RNF187: variants seen among roughly 807,000 people sequenced by gnomAD.
The protein encoded by RNF187 is ring finger protein 187, also known as E3 ubiquitin-protein ligase RNF187.
In RNF187, 18 loss-of-function variants were observed where a neutral mutation model predicts 22.2. The ratio of observed to expected loss-of-function variants is 0.81; its 90% CI spans 0.56 to 1.20. The LOEUF (loss-of-function observed/expected upper bound fraction) is 1.20. Ranked by LOEUF, RNF187 falls within the 50% of genes most tolerant of loss-of-function variation. The probability of loss-of-function intolerance (pLI) is 0.00; values close to 1 mark genes in which losing one functional copy is unlikely to be tolerated. For missense variants in RNF187, 329 were observed against 317.6 expected (o/e 1.04, Z -0.27); for synonymous variants, 164 against 140.9 (o/e 1.16, Z -1.16).
At position 228,495,816 on chromosome 1, in the gene RNF187, A is replaced by G; in HGVS notation, c.*1931A>G. On this transcript the variant is annotated 3_prime_UTR_variant, in exon 4 of 4. Transcript: ENST00000305943. ...TGTGGAGTGACAGATTAATGTATCCATCTCATGTTTTTTTTGGTGGTGAGA... is the reference window on the plus strand; with the variant it reads ...TGTGGAGTGACAGATTAATGTATCCGTCTCATGTTTTTTTTGGTGGTGAGA... 2 of 897,900 alleles carry G rather than the reference A, an allele frequency of 2.2e-6. No homozygotes were observed. Among genetic ancestry groups the G allele is most frequent in the Non-Finnish European group, 2.7e-6 (2 of 750,280 alleles). 55.6% of individuals were successfully genotyped at this position (897,900 alleles called of 1,614,324 possible).
At position 228,492,791 on chromosome 1, in the gene RNF187, A is replaced by C; in HGVS notation, c.484-262A>C. 1.5e-3 allele frequency among the ~76,000 whole-genome samples: 223 copies of C among 151,190 alleles called. 1 individual carries two copies. Among genetic ancestry groups the C allele is most frequent in the African/African-American group, 5.2e-3 (214 of 41,038 alleles). On this transcript the variant is annotated intron_variant, in intron 2 of 3. Coordinates refer to ENST00000305943, the MANE Select transcript of RNF187 (RefSeq NM_001010858.3). ...ACAGGCGTGCCACCACGCCTGGCTC[A>C]TTTTTGTATTTTTAGTAGAGACGGG...
chr1:228,495,836 G>A lies in RNF187; in HGVS notation c.*1951G>A. On this transcript the variant is annotated 3_prime_UTR_variant, in exon 4 of 4. Coordinates refer to ENST00000305943, the MANE Select transcript of RNF187 (RefSeq NM_001010858.3). Reference sequence around the variant, plus strand: ...TATCCATCTCATGTTTTTTTTGGTGGTGAGAATATTTGAAATCTACACTCA... The same window carrying A: ...TATCCATCTCATGTTTTTTTTGGTGATGAGAATATTTGAAATCTACACTCA... 1.2e-6 allele frequency: 1 copy of A among 821,188 alleles called. No individual in the cohort carries two copies. The highest frequency in any genetic ancestry group is 1.5e-6 in the Non-Finnish European group (1 of 681,050). 50.9% of individuals were successfully genotyped at this position (821,188 alleles called of 1,614,324 possible). A position where few individuals can be genotyped will look rare whatever the true frequency, so the allele number is the denominator to read the frequency against.
intron 2 of RNF187, among the ~76,000 whole-genome samples, chr1:228,492,456 G>A: frequency 1.3e-5 from 2 of 151,636 alleles, no homozygotes; most frequent in African/African-American, 2.4e-5. Context: ...CAAGTAGCTG[G>A]GACTACAGGC....
chr1:228,493,316 T>G lies in RNF187; in HGVS notation c.705+42T>G. 1 of 1,526,194 alleles carries G rather than the reference T, an allele frequency of 6.6e-7. No individual in the cohort carries two copies. The highest frequency in any genetic ancestry group is 8.8e-7 in the Non-Finnish European group (1 of 1,131,978). The allele number at this position is 1,526,194 out of a possible 1,614,324, so 94.5% of individuals were successfully genotyped here. ...GGGTCTGCCCACCATCGGGCCAGGG[T>G]GGACGCAGGCAGCAGCGAGCCATTG... On this transcript the variant is annotated intron_variant, in intron 3 of 3. Coordinates refer to ENST00000305943, the MANE Select transcript of RNF187 (RefSeq NM_001010858.3). The surrounding 1 kb of genome is among the most constrained non-coding windows in gnomAD (Gnocchi z 4.7).
In RNF187 at chr1:228,494,051, G is replaced by C; in HGVS notation, c.*166G>C. 3.3e-6 allele frequency: 5 copies of C among 1,515,708 alleles called. No homozygotes were observed. The African/African-American group carries it at 4.1e-5, about 13-fold the overall frequency. 93.9% of individuals were successfully genotyped at this position (1,515,708 alleles called of 1,614,324 possible). ...AATGTCCATTTATCCTTCACCCCGAGGCGTGTTTTGGGGGCTGCAAACACC... is the reference window on the plus strand; with the variant it reads ...AATGTCCATTTATCCTTCACCCCGACGCGTGTTTTGGGGGCTGCAAACACC... On this transcript the variant is annotated 3_prime_UTR_variant, in exon 4 of 4. Transcript: ENST00000305943.
Position 228,493,831 on chromosome 1 carries a change from G to C in RNF187, c.706-52G>C. On this transcript the variant is annotated intron_variant, in intron 3 of 3. Coordinates refer to ENST00000305943, the MANE Select transcript of RNF187 (RefSeq NM_001010858.3). This position sits in a 1 kb window ranked among gnomAD's most constrained non-coding sequence, Gnocchi z 4.7. Reference sequence around the variant, plus strand: ...CTTTTGCCTCTGTCTCTGACTCTGTGTGTCTCTTTCTCTTTTTGTCTCTCT... The same window carrying C: ...CTTTTGCCTCTGTCTCTGACTCTGTCTGTCTCTTTCTCTTTTTGTCTCTCT... 3 of 1,536,822 alleles carry C rather than the reference G, an allele frequency of 2.0e-6. No homozygotes were observed. The highest frequency in any genetic ancestry group is 8.8e-7 in the Non-Finnish European group (1 of 1,133,558).
intron 2 of RNF187, among the ~76,000 whole-genome samples, chr1:228,489,981 A>C: frequency 6.6e-6 from 1 of 152,204 alleles, no homozygotes; most frequent in Non-Finnish European, 1.5e-5. Flanking sequence ...GACATCCCAT[A>C]GATTCTTTTA....
chr1:228,487,539 C>T lies in RNF187; in HGVS notation c.51C>T (p.Arg17=), dbSNP rs1658862365. ...AGGCCGCCTGCGCCCTGTGCCAGCG[C>T]GCGCCCCGGGAACCGGTGCGCGCCG... is the stretch of plus-strand genomic sequence containing the variant. The change falls in exon 1 of 4, where the codon CGC becomes CGT. Residue 17 remains arginine (R), a synonymous_variant. Coordinates refer to ENST00000305943, the MANE Select transcript of RNF187 (RefSeq NM_001010858.3). The T allele has an allele frequency of 8.2e-7, 1 of 1,218,532 alleles. No individual in the cohort carries two copies. Among genetic ancestry groups the T allele is most frequent in the Non-Finnish European group, 1.0e-6 (1 of 972,894 alleles). 75.5% of individuals were successfully genotyped at this position (1,218,532 alleles called of 1,614,324 possible).
At position 228,494,521 on chromosome 1, in the gene RNF187, C is replaced by T; in HGVS notation, c.*636C>T. ...CCCACTCCTGTGCCTCCCAGGAGCC[C>T]TCCCTGTGCTCCACCTGCCTCCGCA... On this transcript the variant is annotated 3_prime_UTR_variant, in exon 4 of 4. Transcript: ENST00000305943. The T allele has an allele frequency of 2.0e-6, 2 of 986,404 alleles. No individual in the cohort carries two copies. Among genetic ancestry groups the T allele is most frequent in the Non-Finnish European group, 2.4e-6 (2 of 830,648 alleles). 61.1% of individuals were successfully genotyped at this position (986,404 alleles called of 1,614,324 possible).
In RNF187 at chr1:228,493,843, CTT is replaced by C; in HGVS notation, c.706-36_706-35del. 1.9e-6 allele frequency: 3 copies of C among 1,549,248 alleles called. No individual in the cohort carries two copies. The highest frequency in any genetic ancestry group is 2.6e-6 in the Non-Finnish European group (3 of 1,144,846). ...TCTCTGACTCTGTGTGTCTCTTTCTCTTTTTGTCTCTCTGTCTTTCCCTCTCC... is the reference window on the plus strand; with the variant it reads ...TCTCTGACTCTGTGTGTCTCTTTCTCTTTGTCTCTCTGTCTTTCCCTCTCC... On this transcript the variant is annotated intron_variant, in intron 3 of 3. Coordinates refer to ENST00000305943, the MANE Select transcript of RNF187 (RefSeq NM_001010858.3). This position sits in a 1 kb window ranked among gnomAD's most constrained non-coding sequence, Gnocchi z 4.7.
At position 228,493,153 on chromosome 1, in the gene RNF187, A is replaced by G; in HGVS notation, c.584A>G (p.Lys195Arg). 1.2e-5 allele frequency: 19 copies of G among 1,551,702 alleles called. No individual in the cohort carries two copies. Among genetic ancestry groups the G allele is most frequent in the Non-Finnish European group, 1.7e-5 (19 of 1,146,976 alleles). The change falls in exon 3 of 4, where the codon AAG becomes AGG. Residue 195 changes from lysine to arginine, a missense_variant. Lys to Arg is a conservative substitution (Grantham distance 26). Transcript: ENST00000305943. The surrounding 1 kb of genome is among the most constrained non-coding windows in gnomAD (Gnocchi z 4.7). ...GAGCATTTCCTGCAGGAGGCTGAGA[A>G]GGAGGAGGGGCTCCCTGAGGACGAG...
At chr1:228,491,827 T>C in intron 2 of RNF187, among the ~76,000 whole-genome samples, 70,869 of 152,080 alleles carry the variant, frequency 0.47, 18,277 homozygotes, top group South Asian at 0.6. Context: ...AAATCACTTA[T>C]ATACTGACTT....
intron 2 of RNF187, among the ~76,000 whole-genome samples, chr1:228,489,394 C>G: frequency 1.3e-5 from 2 of 151,928 alleles, no homozygotes; most frequent in Non-Finnish European, 2.9e-5. Flanking sequence ...CACTGCAGCT[C>G]GAACTGGCCT....
At chr1:228,491,977 T>C in intron 2 of RNF187, among the ~76,000 whole-genome samples, 20 of 152,202 alleles carry the variant, frequency 1.3e-4, no homozygotes, top group Non-Finnish European at 1.9e-4. Context: ...TTATTTGATA[T>C]GGGGAGGGCG....
chr1:228,495,957 C>CA lies in RNF187; in HGVS notation c.*2073dup. ...AATCTGCAGATACTCAAGTACCCTGCAGTCAGCCCTCCCTCTGCACATATG... is the reference window on the plus strand; with the variant it reads ...AATCTGCAGATACTCAAGTACCCTGCAAGTCAGCCCTCCCTCTGCACATATG... On this transcript the variant is annotated 3_prime_UTR_variant, in exon 4 of 4. Coordinates refer to ENST00000305943, the MANE Select transcript of RNF187 (RefSeq NM_001010858.3). Among the ~76,000 whole-genome samples the CA allele has an allele frequency of 6.6e-6, 1 of 152,304 alleles. No homozygotes were observed. Among genetic ancestry groups the CA allele is most frequent in the South Asian group, 2.1e-4 (1 of 4,826 alleles).
intron 1 of RNF187, 53 bp from the exon 2 acceptor site, chr1:228,488,907 G>C: frequency 6.9e-7 from 1 of 1,439,862 alleles, no homozygotes; most frequent in Non-Finnish European, 9.6e-7. Flanking sequence ...ACTGGGCTGG[G>C]TTGGGGGACC....
Position 228,495,658 on chromosome 1 carries a change from C to T in RNF187, c.*1773C>T. On this transcript the variant is annotated 3_prime_UTR_variant, in exon 4 of 4. Coordinates refer to ENST00000305943, the MANE Select transcript of RNF187 (RefSeq NM_001010858.3). ...ATCAGTGTCTCCACATCACCAGGTCCGACAGTGGCTTCACCATCCTCACCT... is the reference window on the plus strand; with the variant it reads ...ATCAGTGTCTCCACATCACCAGGTCTGACAGTGGCTTCACCATCCTCACCT... 132 of 985,618 alleles carry T rather than the reference C, an allele frequency of 1.3e-4. No individual in the cohort carries two copies. In the Middle Eastern group the frequency reaches 2.1e-3, roughly 16 times the overall value. 61.1% of individuals were successfully genotyped at this position (985,618 alleles called of 1,614,324 possible). A position where few individuals can be genotyped will look rare whatever the true frequency, so the allele number is the denominator to read the frequency against.
At position 228,493,827 on chromosome 1, in the gene RNF187, CTG is replaced by C; in HGVS notation, c.706-50_706-49del. 7.8e-6 allele frequency: 12 copies of C among 1,532,668 alleles called. No homozygotes were observed. Among genetic ancestry groups the C allele is most frequent in the Admixed American group, 2.0e-5 (1 of 50,984 alleles). 94.9% of individuals were successfully genotyped at this position (1,532,668 alleles called of 1,614,324 possible). A position where few individuals can be genotyped will look rare whatever the true frequency, so the allele number is the denominator to read the frequency against. On this transcript the variant is annotated intron_variant, in intron 3 of 3. Transcript: ENST00000305943. The surrounding 1 kb of genome is among the most constrained non-coding windows in gnomAD (Gnocchi z 4.7). The stretch of plus-strand genomic sequence containing the variant: ...TCTCCTTTTGCCTCTGTCTCTGACT[CTG>C]TGTGTCTCTTTCTCTTTTTGTCTCT...
chr1:228,489,139 A>G, intron 2 of RNF187, 87 bp downstream of exon 2: 10 of 1,140,998 alleles, frequency 8.8e-6, no homozygotes, highest in Non-Finnish European at 1.3e-5. Context: ...CAAGTGGGCC[A>G]GGCCTCTGAA....
Sources: allele counts gnomAD v4.1 joint callset (sites outside exome capture counted in the v4.1 genomes callset), GRCh38; gene constraint gnomAD v4.1.1; non-coding constraint Gnocchi (gnomAD v3.1); transcripts MANE v1.5; gene names NCBI Gene and HGNC (gene_info 2026-07-23, HGNC 2026-07-21).